SYT10: variants seen among roughly 807,000 people sequenced by gnomAD.
The protein encoded by SYT10 is synaptotagmin-10.
A neutral mutation model predicts 51.1 loss-of-function variants in SYT10; 31 were observed. The ratio of observed to expected loss-of-function variants is 0.61; its 90% CI spans 0.46 to 0.82. SYT10 has a LOEUF of 0.82. Among genes scored for constraint, SYT10 ranks in the 40% least tolerant of loss-of-function variants. The pLI, the probability that SYT10 is intolerant of heterozygous loss-of-function variation, is 0.00. For missense variants in SYT10, 603 were observed against 634.0 expected, an observed-to-expected ratio of 0.95 and a Z score of 0.53; for synonymous variants, 233 against 225.9, an observed-to-expected ratio of 1.03 and a Z score of -0.28.
intron 4 of SYT10, 139 bp downstream of exon 4, chr12:33,385,032 T>C (rs918194388): frequency 9.1e-6 from 10 of 1,095,540 alleles, no homozygotes; most frequent in Admixed American, 8.5e-5. Flanking sequence ...AATTGGAACA[T>C]TTAAATTTGT....
chr12:33,439,544 T>A lies in SYT10; in HGVS notation c.-22A>T, dbSNP rs774303269. The A allele has an allele frequency of 6.2e-7, 1 of 1,610,332 alleles. No homozygotes were observed. ...TCATCGTTTGGCTTTTCTTTCGTTTTCTCTTTTTTTCCCAGTTAGCCGTCT... is the reference window on the plus strand; with the variant it reads ...TCATCGTTTGGCTTTTCTTTCGTTTACTCTTTTTTTCCCAGTTAGCCGTCT... On this transcript the variant is annotated 5_prime_UTR_variant, in exon 1 of 7. Coordinates refer to ENST00000228567, the MANE Select transcript of SYT10 (RefSeq NM_198992.4).
chr12:33,396,599 C>G (rs1481820448), intron 3 of SYT10, among the ~76,000 whole-genome samples: 1 of 152,020 alleles, frequency 6.6e-6, no homozygotes, highest in Non-Finnish European at 1.5e-5. Flanking sequence ...TTCCAGGCTA[C>G]TCTTAATAAA....
intron 2 of SYT10, chr12:33,423,843 G>T: frequency 2.4e-6 from 1 of 421,392 alleles, no homozygotes; most frequent in Non-Finnish European, 4.7e-6. Flanking sequence ...ATGACTTCAG[G>T]CAAATTTTTA....
intron 1 of SYT10, among the ~76,000 whole-genome samples, chr12:33,435,069 T>TA (rs1866627455): frequency 6.6e-6 from 1 of 152,184 alleles, no homozygotes; most frequent in Admixed American, 6.5e-5. Flanking sequence ...AATTTTGTAT[T>TA]TAAAAAAGCT....
At chr12:33,438,967 G>A (rs1866660050) in intron 1 of SYT10, among the ~76,000 whole-genome samples, 1 of 152,222 alleles carries the variant, frequency 6.6e-6, no homozygotes, top group Admixed American at 6.5e-5. Flanking sequence ...GAACGAGCGA[G>A]AGCAGCCCTA....
intron 4 of SYT10, 80 bp from the exon 5 acceptor site, chr12:33,382,600 A>G (rs944076164): frequency 2.2e-5 from 30 of 1,339,142 alleles, no homozygotes; most frequent in Non-Finnish European, 2.8e-5. Context: ...TTTTTACTAA[A>G]TAAGACCTAT....
At chr12:33,432,277 C>T (rs1442577659) in intron 1 of SYT10, 1 of 152,014 alleles carries the variant, frequency 6.6e-6, no homozygotes, top group African/African-American at 2.4e-5. Flanking sequence ...TAATCAAAGG[C>T]ATCTTCGATT....
chr12:33,428,831 G>A (rs551653115), intron 1 of SYT10, among the ~76,000 whole-genome samples: 2 of 151,984 alleles, frequency 1.3e-5, no homozygotes, highest in Middle Eastern at 3.4e-3. Flanking sequence ...GCGTGAGCCC[G>A]GGACGTGGAG....
intron 2 of SYT10, among the ~76,000 whole-genome samples, chr12:33,418,336 C>A (rs1009367700): frequency 6.6e-6 from 1 of 152,138 alleles, no homozygotes; most frequent in Non-Finnish European, 1.5e-5. Context: ...AACCTCTCAA[C>A]GCTCAGAAAT....
chr12:33,400,824 G>A (rs555756488), intron 3 of SYT10, among the ~76,000 whole-genome samples: 10 of 151,992 alleles, frequency 6.6e-5, no homozygotes, highest in Non-Finnish European at 1.5e-4. Context: ...TCAGGAGTTC[G>A]AGACCAGCCT....
chr12:33,435,255 T>G (rs1417216897), intron 1 of SYT10, among the ~76,000 whole-genome samples: 3 of 152,196 alleles, frequency 2.0e-5, no homozygotes, highest in African/African-American at 4.8e-5. Context: ...TTTTAATTTG[T>G]CACAAAGGAA....
At chr12:33,387,628 C>T (rs1482471240) in intron 3 of SYT10, among the ~76,000 whole-genome samples, 1 of 152,036 alleles carries the variant, frequency 6.6e-6, no homozygotes, top group African/African-American at 2.4e-5. Context: ...ATCCTTTGGG[C>T]TAGTGGATTG....
chr12:33,428,052 T>C (rs1866567008), intron 1 of SYT10, among the ~76,000 whole-genome samples: 1 of 152,180 alleles, frequency 6.6e-6, no homozygotes, highest in Non-Finnish European at 1.5e-5. Flanking sequence ...TTACAAGAGC[T>C]ATCCATGTGA....
At chr12:33,381,001 A>G (rs1866109840) in intron 5 of SYT10, among the ~76,000 whole-genome samples, 1 of 152,078 alleles carries the variant, frequency 6.6e-6, no homozygotes, top group South Asian at 2.1e-4. Context: ...AGGTACAAAA[A>G]TTTTGTCTTC....
At chr12:33,403,404 T>C (rs1049648771) in intron 3 of SYT10, among the ~76,000 whole-genome samples, 3 of 151,934 alleles carry the variant, frequency 2.0e-5, no homozygotes, top group African/African-American at 7.3e-5. Flanking sequence ...GCTAATTTTT[T>C]ATTTTTAGTA....
intron 2 of SYT10, among the ~76,000 whole-genome samples, chr12:33,413,114 G>C (rs1185055155): frequency 6.6e-6 from 1 of 152,076 alleles, no homozygotes; most frequent in African/African-American, 2.4e-5. Context: ...GAAATGAAGC[G>C]AGAAGAGAAG....
chr12:33,386,171 A>G lies in SYT10; in HGVS notation c.1078-880T>C, dbSNP rs1158893516. 2.0e-5 allele frequency among the ~76,000 whole-genome samples: 3 copies of G among 152,110 alleles called. No homozygotes were observed. In the East Asian group the frequency reaches 5.8e-4, roughly 29 times the overall value. On this transcript the variant is annotated intron_variant, in intron 3 of 6. Transcript: ENST00000228567. The stretch of plus-strand genomic sequence containing the variant: ...GAGTAGCTGGGATTACAGGCATGCA[A>G]CACCACACCTGGCTAATTTTTGTAT...
rs1179242670 is a variant in SYT10 at position 33,389,557 on chromosome 12, G to GGA, written c.1078-4267_1078-4266insTC. 1.4e-4 allele frequency among the ~76,000 whole-genome samples: 22 copies of GGA among 152,176 alleles called. No individual in the cohort carries two copies. The East Asian group carries it at 4.1e-3, about 28-fold the overall frequency. On this transcript the variant is annotated intron_variant, in intron 3 of 6. Transcript: ENST00000228567. ...GACATAAGAGAAAGAGGCCATTGAA[G>GGA]TAAAGTTGGTGTGGGAAGATGTTGG...
intron 2 of SYT10, chr12:33,408,228 T>C (rs1866376130): frequency 1.3e-5 from 2 of 152,218 alleles, no homozygotes; most frequent in African/African-American, 4.8e-5. Context: ...TCTAACTAAA[T>C]ACATATTTAC....
Sources: allele counts gnomAD v4.1 joint callset (sites outside exome capture counted in the v4.1 genomes callset), GRCh38; gene constraint gnomAD v4.1.1; transcripts MANE v1.5; gene names NCBI Gene and HGNC (gene_info 2026-07-23, HGNC 2026-07-21).